The following DHRS3 variants were observed in gnomAD, a reference collection of about 807,000 sequenced individuals.
DHRS3 encodes dehydrogenase/reductase 3.
In DHRS3, 14 loss-of-function variants were observed where a neutral mutation model predicts 27.2. The ratio of observed to expected loss-of-function variants is 0.52; its 90% CI spans 0.34 to 0.81. DHRS3 has a LOEUF of 0.81. DHRS3 is among the 30% of genes least tolerant of loss of function. The pLI is 0.01. For synonymous variants in DHRS3, 165 were observed against 175.9 expected (o/e 0.94, Z 0.49); for missense variants, 322 against 406.2 (o/e 0.79, Z 1.78).
chr1:12,570,879 T>G (rs1171755742), intron 5 of DHRS3, among the ~76,000 whole-genome samples: 1 of 152,122 alleles, frequency 6.6e-6, no homozygotes, highest in Non-Finnish European at 1.5e-5. Context: ...TGAAAGGGCT[T>G]TGAGTTTGGG....
At position 12,593,685 on chromosome 1, in the gene DHRS3, C is replaced by T. The variant is rs867146953; in HGVS notation, c.196-13019G>A. 1.2e-4 allele frequency among the ~76,000 whole-genome samples: 19 copies of T among 152,138 alleles called. No homozygotes were observed. The highest frequency in any genetic ancestry group is 2.5e-4 in the Non-Finnish European group (17 of 68,030). On this transcript the variant is annotated intron_variant, in intron 1 of 5. Transcript: ENST00000616661. This position sits in a 1 kb window ranked among gnomAD's most constrained non-coding sequence, Gnocchi z 4.6. ...GATGAGCACCTAGTGTTCCTGAGGA[C>T]ACTCCTTCAAATGCTAAAACCACGC... is the stretch of plus-strand genomic sequence containing the variant.
At position 12,586,367 on chromosome 1, in the gene DHRS3, T is replaced by A. The variant is rs1236146902; in HGVS notation, c.196-5701A>T. On this transcript the variant is annotated intron_variant, in intron 1 of 5. Transcript: ENST00000616661. The surrounding 1 kb of genome is among the most constrained non-coding windows in gnomAD (Gnocchi z 5.0). ...GTGGGGTCGTCTGAGCTTTGAGGGT[T>A]CCACTCTCCTCACATGCAACCCCAC... Among the ~76,000 whole-genome samples, 1 of 152,186 alleles carries A rather than the reference T, an allele frequency of 6.6e-6. No individual in the cohort carries two copies. The highest frequency in any genetic ancestry group is 1.5e-5 in the Non-Finnish European group (1 of 68,032).
At chr1:12,587,059 C>T (rs971182025) in intron 1 of DHRS3, among the ~76,000 whole-genome samples, 9 of 151,780 alleles carry the variant, frequency 5.9e-5, no homozygotes, top group East Asian at 1.9e-4. Flanking sequence ...ATAAGTGACA[C>T]GACATGGAAA....
Position 12,578,877 on chromosome 1 carries a change from G to A in DHRS3, c.539C>T (p.Ser180Phe). 6.2e-7 allele frequency: 1 copy of A among 1,613,976 alleles called. No homozygotes were observed. Among genetic ancestry groups the A allele is most frequent in the Non-Finnish European group, 8.5e-7 (1 of 1,180,026 alleles). ...IVCLNSVLAL[S>F]AIPGAIDYCT... ...GTAGTCGATGGCACCGGGGATGGCAGACAGTGCCAGCACGGAGTTGAGGCA... is the reference window on the plus strand; with the variant it reads ...GTAGTCGATGGCACCGGGGATGGCAAACAGTGCCAGCACGGAGTTGAGGCA... The change falls in exon 4 of 6, where the codon TCT (serine) becomes TTT (phenylalanine). Residue 180 changes from serine (S) to phenylalanine (F), a missense_variant. Transcript: ENST00000616661. This position sits in a 1 kb window ranked among gnomAD's most constrained non-coding sequence, Gnocchi z 4.5.
intron 1 of DHRS3, among the ~76,000 whole-genome samples, chr1:12,606,583 G>A (rs892508517): frequency 3.3e-5 from 5 of 152,106 alleles, no homozygotes; most frequent in South Asian, 2.1e-4. Flanking sequence ...TCCGCCTCCC[G>A]GGTTCAAGCG....
At chr1:12,610,176 T>A (rs1646897612) in intron 1 of DHRS3, among the ~76,000 whole-genome samples, 1 of 152,058 alleles carries the variant, frequency 6.6e-6, no homozygotes, top group South Asian at 2.1e-4. Flanking sequence ...CCTCCCAGGT[T>A]CAAGCAATTC....
chr1:12,617,498 G>T lies in DHRS3; in HGVS notation c.-150C>A. 1 of 291,392 alleles carries T rather than the reference G, an allele frequency of 3.4e-6. No individual in the cohort carries two copies. 18.1% of individuals were successfully genotyped at this position (291,392 alleles called of 1,614,324 possible). A position where few individuals can be genotyped will look rare whatever the true frequency, so the allele number is the denominator to read the frequency against. ...CTCTTGAAATCACCTCTTCCCAAAT[G>T]CAAAGCACCGGGTGAGAAAAAGAAA... On this transcript the variant is annotated 5_prime_UTR_variant, in exon 1 of 6. Transcript: ENST00000616661.
chr1:12,599,396 G>T (rs72642700), intron 1 of DHRS3, among the ~76,000 whole-genome samples: 1 of 152,228 alleles, frequency 6.6e-6, no homozygotes, highest in African/African-American at 2.4e-5. Flanking sequence ...GTGATTTTCC[G>T]TGGTCCTCAG....
Position 12,568,291 on chromosome 1 carries a change from C to T in DHRS3, c.*49G>A. ...AGGTGCTCGGGTGTGTGCCCAGGTG[C>T]TGTGGCCCCCAAACTCCGTGGCTCC... On this transcript the variant is annotated 3_prime_UTR_variant, in exon 6 of 6. Coordinates refer to ENST00000616661, the MANE Select transcript of DHRS3 (RefSeq NM_004753.7). 6.5e-7 allele frequency: 1 copy of T among 1,547,732 alleles called. No homozygotes were observed. Among genetic ancestry groups the T allele is most frequent in the Non-Finnish European group, 8.9e-7 (1 of 1,120,830 alleles).
chr1:12,589,473 C>T (rs1646727512), intron 1 of DHRS3, among the ~76,000 whole-genome samples: 1 of 150,354 alleles, frequency 6.7e-6, no homozygotes, highest in African/African-American at 2.5e-5. Flanking sequence ...ACTGCCTCCT[C>T]TGCTTCCTGG....
chr1:12,577,381 G>A (rs1484372456), intron 4 of DHRS3, among the ~76,000 whole-genome samples: 1 of 152,208 alleles, frequency 6.6e-6, no homozygotes, highest in Admixed American at 6.5e-5. Flanking sequence ...AGCCACAGCA[G>A]TAATTAACGG....
At chr1:12,595,144 C>T (rs2100696785) in intron 1 of DHRS3, among the ~76,000 whole-genome samples, 1 of 152,134 alleles carries the variant, frequency 6.6e-6, no homozygotes. Flanking sequence ...AAGGCAGCTC[C>T]GGGGGAAGAG....
At chr1:12,604,556 C>A (rs1488818390) in intron 1 of DHRS3, among the ~76,000 whole-genome samples, 1 of 152,212 alleles carries the variant, frequency 6.6e-6, no homozygotes, top group African/African-American at 2.4e-5. Context: ...ACCGCTCTCT[C>A]CAGAACCCTC....
At chr1:12,596,714 C>T (rs527620123) in intron 1 of DHRS3, among the ~76,000 whole-genome samples, 1 of 152,286 alleles carries the variant, frequency 6.6e-6, no homozygotes, top group Admixed American at 6.5e-5. Flanking sequence ...CATCTCTGAG[C>T]TTCACCATCT....
chr1:12,570,968 G>A (rs1478974906), intron 5 of DHRS3, among the ~76,000 whole-genome samples: 1 of 152,216 alleles, frequency 6.6e-6, no homozygotes, highest in African/African-American at 2.4e-5. Flanking sequence ...CCCTCAGCTG[G>A]GGCTCACCAT....
chr1:12,606,399 CT>C (rs1252308109), intron 1 of DHRS3, among the ~76,000 whole-genome samples: 2 of 149,238 alleles, frequency 1.3e-5, no homozygotes, highest in Non-Finnish European at 3.0e-5. Context: ...GTTGAACAAA[CT>C]TTCCACTTGA....
At chr1:12,601,683 C>T (rs1421891632) in intron 1 of DHRS3, among the ~76,000 whole-genome samples, 2 of 152,160 alleles carry the variant, frequency 1.3e-5, no homozygotes, top group Non-Finnish European at 2.9e-5. Context: ...AATGCCATCT[C>T]TTCCGTGAAA....
In DHRS3 at chr1:12,568,281, T is replaced by C; in HGVS notation, c.*59A>G. On this transcript the variant is annotated 3_prime_UTR_variant, in exon 6 of 6. Coordinates refer to ENST00000616661, the MANE Select transcript of DHRS3 (RefSeq NM_004753.7). ...GCCAATGGACAGGTGCTCGGGTGTG[T>C]GCCCAGGTGCTGTGGCCCCCAAACT... is the stretch of plus-strand genomic sequence containing the variant. 1 of 1,480,936 alleles carries C rather than the reference T, an allele frequency of 6.8e-7. No individual in the cohort carries two copies. Among genetic ancestry groups the C allele is most frequent in the Non-Finnish European group, 9.4e-7 (1 of 1,060,448 alleles). 91.7% of individuals were successfully genotyped at this position (1,480,936 alleles called of 1,614,324 possible).
intron 1 of DHRS3, among the ~76,000 whole-genome samples, chr1:12,601,260 C>A (rs1280971318): frequency 3.9e-5 from 6 of 152,080 alleles, no homozygotes; most frequent in Admixed American, 6.5e-5. Context: ...CAGAGTCTGG[C>A]CATGACCCAC....
Sources: gnomAD v4.1 joint callset for allele counts (sites outside exome capture counted in the v4.1 genomes callset) on GRCh38, gnomAD v4.1.1 for gene constraint, Gnocchi (gnomAD v3.1) non-coding constraint, MANE v1.5 for transcripts, NCBI Gene and HGNC (gene_info 2026-07-23, HGNC 2026-07-21) for gene names.